ENOX1: variants seen among roughly 807,000 people sequenced by gnomAD.
The protein encoded by ENOX1 is candidate growth-related and time keeping constitutive hydroquinone (NADH) oxidase.
ENOX1 carries 42 observed loss-of-function variants against 82.5 expected under a neutral mutation model. The observed-to-expected ratio is 0.51, with a 90% CI of 0.40 to 0.66. The LOEUF (loss-of-function observed/expected upper bound fraction) is 0.66, where lower values mean the gene tolerates loss of function less well. Ranked by LOEUF, ENOX1 falls within the 30% of genes least tolerant of loss-of-function variation. The probability of loss-of-function intolerance (pLI) is 0.00; values close to 1 mark genes in which losing one functional copy is unlikely to be tolerated. For missense variants in ENOX1, 608 were observed against 811.6 expected (o/e 0.75, Z 3.05); for synonymous variants, 271 against 282.2 (o/e 0.96, Z 0.40).
chr13:43,284,805 TG>T (rs1331153038), intron 12 of ENOX1, among the ~76,000 whole-genome samples: 2 of 138,154 alleles, frequency 1.4e-5, no homozygotes, highest in African/African-American at 5.3e-5. Flanking sequence ...TGTGTGTGTG[TG>T]TGTGTGTAAG....
At position 43,519,304 on chromosome 13, in the gene ENOX1, T is replaced by G. The variant is rs144027428; in HGVS notation, c.-218-35152A>C. 8.5e-5 allele frequency among the ~76,000 whole-genome samples: 13 copies of G among 152,292 alleles called. No homozygotes were observed. In the East Asian group the frequency reaches 2.5e-3, roughly 29 times the overall value. On this transcript the variant is annotated intron_variant, in intron 2 of 16. Coordinates refer to ENST00000690772, the MANE Select transcript of ENOX1 (RefSeq NM_001347969.2). Reference sequence around the variant, plus strand: ...GTTTCTCCCAATCTCACCATCAACCTTATATGCCAGCTTTGAACTATTGGC... The same window carrying G: ...GTTTCTCCCAATCTCACCATCAACCGTATATGCCAGCTTTGAACTATTGGC...
In ENOX1 at chr13:43,566,768, C is replaced by T. The variant is rs528406269; in HGVS notation, c.-218-82616G>A. On this transcript the variant is annotated intron_variant, in intron 2 of 16. Transcript: ENST00000690772. ...GCTCAGAAGAGAAGGTATAGATCTT[C>T]GAAAAATTTAATAATTTACTGAATT... is the stretch of plus-strand genomic sequence containing the variant. Among the ~76,000 whole-genome samples the T allele has an allele frequency of 1.9e-4, 29 of 151,242 alleles. No individual in the cohort carries two copies. The South Asian group carries it at 3.8e-3, about 20-fold the overall frequency.
At chr13:43,361,501 T>C (rs1566604382) in intron 5 of ENOX1, 49 bp from the exon 6 acceptor site, 3 of 1,553,354 alleles carry the variant, frequency 1.9e-6, no homozygotes, top group Non-Finnish European at 2.6e-6. Context: ...AATCCATTTT[T>C]GTTGTTGTTT....
At chr13:43,490,593 A>C (rs2076585623) in intron 2 of ENOX1, among the ~76,000 whole-genome samples, 1 of 152,170 alleles carries the variant, frequency 6.6e-6, no homozygotes, top group Non-Finnish European at 1.5e-5. Flanking sequence ...TCCCAGGTAA[A>C]TGAGATTAAG....
chr13:43,475,806 A>C (rs2058256130), intron 3 of ENOX1, among the ~76,000 whole-genome samples: 1 of 151,026 alleles, frequency 6.6e-6, no homozygotes, highest in Non-Finnish European at 1.5e-5. Context: ...AAAAAAAAAA[A>C]AAAAAAAAAG....
intron 5 of ENOX1, among the ~76,000 whole-genome samples, chr13:43,405,977 T>C (rs1412789442): frequency 6.6e-6 from 1 of 152,250 alleles, no homozygotes; most frequent in Non-Finnish European, 1.5e-5. Context: ...CCCGCCACTC[T>C]AAAGCATGAC....
intron 12 of ENOX1, among the ~76,000 whole-genome samples, chr13:43,273,758 A>C (rs1042107021): frequency 2.0e-5 from 3 of 152,208 alleles, no homozygotes; most frequent in Admixed American, 6.5e-5. Context: ...TCTTGCTCCA[A>C]AAAAATATTC....
At chr13:43,223,612 A>G (rs1364726924) in intron 16 of ENOX1, among the ~76,000 whole-genome samples, 1 of 152,200 alleles carries the variant, frequency 6.6e-6, no homozygotes. Flanking sequence ...AGCCATTAAT[A>G]CAGCTTTCTT....
At chr13:43,622,536 G>T (rs994269481) in intron 2 of ENOX1, among the ~76,000 whole-genome samples, 1 of 152,154 alleles carries the variant, frequency 6.6e-6, no homozygotes, top group Non-Finnish European at 1.5e-5. Flanking sequence ...TAGCCACCCA[G>T]CAAGTCTACC....
At chr13:43,480,155 C>T (rs980574179) in intron 3 of ENOX1, among the ~76,000 whole-genome samples, 7 of 151,796 alleles carry the variant, frequency 4.6e-5, no homozygotes, top group African/African-American at 1.7e-4. Flanking sequence ...GCCAGGCTGG[C>T]CTTGAACTCC....
intron 2 of ENOX1, among the ~76,000 whole-genome samples, chr13:43,610,329 G>C (rs190762405): frequency 1.8e-4 from 28 of 152,274 alleles, no homozygotes; most frequent in Admixed American, 1.6e-3. Flanking sequence ...ATTCAACTGT[G>C]TATGCTTGTA....
At chr13:43,768,021 GT>G (rs140869089) in intron 1 of ENOX1, among the ~76,000 whole-genome samples, 11,909 of 152,208 alleles carry the variant, frequency 0.078, 704 homozygotes, top group African/African-American at 0.16. Context: ...TATTCTAAAT[GT>G]CAAATGAACT....
At chr13:43,675,764 C>T (rs2085479835) in intron 1 of ENOX1, among the ~76,000 whole-genome samples, 1 of 152,122 alleles carries the variant, frequency 6.6e-6, no homozygotes, top group African/African-American at 2.4e-5. Context: ...TGCCGTACAT[C>T]ACACCCTCTG....
chr13:43,410,614 A>ACATG (rs2054065237), intron 5 of ENOX1, among the ~76,000 whole-genome samples: 1 of 124,418 alleles, frequency 8.0e-6, no homozygotes, highest in South Asian at 2.7e-4. Context: ...ACATATACAC[A>ACATG]TACACACATG....
intron 2 of ENOX1, among the ~76,000 whole-genome samples, chr13:43,621,790 T>C (rs1255431179): frequency 6.6e-6 from 1 of 152,138 alleles, no homozygotes; most frequent in East Asian, 1.9e-4. Context: ...TGTTTTTGGA[T>C]GTGTAGGTCT....
intron 2 of ENOX1, among the ~76,000 whole-genome samples, chr13:43,648,727 C>T (rs1054766128): frequency 2.0e-5 from 3 of 152,224 alleles, no homozygotes; most frequent in Non-Finnish European, 4.4e-5. Context: ...CTCCACTCTT[C>T]ACAAGCATGA....
At chr13:43,435,854 G>A (rs1334775610) in intron 3 of ENOX1, among the ~76,000 whole-genome samples, 1 of 150,418 alleles carries the variant, frequency 6.6e-6, no homozygotes, top group Non-Finnish European at 1.5e-5. Context: ...TGAGGCAGAA[G>A]AAAGGTGTTA....
intron 1 of ENOX1, among the ~76,000 whole-genome samples, chr13:43,779,540 C>T (rs139218373): frequency 1.8e-3 from 272 of 152,328 alleles, no homozygotes; most frequent in African/African-American, 6.3e-3. Flanking sequence ...AGTGTCAGGG[C>T]ATGAGTAGCA....
intron 11 of ENOX1, among the ~76,000 whole-genome samples, chr13:43,308,861 CTTAA>C (rs2047019732): frequency 6.6e-6 from 1 of 152,168 alleles, no homozygotes; most frequent in Admixed American, 6.5e-5. Context: ...CACAGAATCC[CTTAA>C]TTGTTTATTT....
Sources: allele counts gnomAD v4.1 joint callset (sites outside exome capture counted in the v4.1 genomes callset), GRCh38; gene constraint gnomAD v4.1.1; transcripts MANE v1.5; gene names NCBI Gene and HGNC (gene_info 2026-07-23, HGNC 2026-07-21).